FMN1: variants seen among roughly 807,000 people sequenced by gnomAD.
The protein encoded by FMN1 is formin-1.
FMN1 carries 110 observed loss-of-function variants against 132.4 expected under a neutral mutation model. The ratio of observed to expected loss-of-function variants is 0.83; its 90% CI spans 0.71 to 0.97. The LOEUF is 0.97. Among genes scored for constraint, FMN1 ranks in the 50% least tolerant of loss-of-function variants. The pLI is 0.00. For synonymous variants in FMN1, 722 were observed against 651.7 expected (o/e 1.11, Z -1.64); for missense variants, 1,792 against 1,705.3 (o/e 1.05, Z -0.90).
At chr15:33,049,026 T>C (rs967792683) in intron 6 of FMN1, among the ~76,000 whole-genome samples, 1 of 152,232 alleles carries the variant, frequency 6.6e-6, no homozygotes, top group Non-Finnish European at 1.5e-5. Flanking sequence ...TAAAGGATTG[T>C]TTTAAATTAG....
At chr15:33,169,786 C>T (rs1203320197) in intron 3 of FMN1, among the ~76,000 whole-genome samples, 1 of 122,594 alleles carries the variant, frequency 8.2e-6, no homozygotes, top group Non-Finnish European at 1.6e-5. Flanking sequence ...CAAAAAGTTG[C>T]AGTCAGCATA....
chr15:33,038,521 G>T (rs746263465), intron 6 of FMN1, among the ~76,000 whole-genome samples: 1 of 152,148 alleles, frequency 6.6e-6, no homozygotes, highest in African/African-American at 2.4e-5. Flanking sequence ...TAAATAAGTT[G>T]TTAAAATGTC....
intron 6 of FMN1, among the ~76,000 whole-genome samples, chr15:33,041,086 T>G (rs1233378705): frequency 6.6e-6 from 1 of 151,828 alleles, no homozygotes; most frequent in Non-Finnish European, 1.5e-5. Context: ...AAAACTCATG[T>G]CAAGAATGCA....
chr15:32,973,576 A>ACCCCCCCCC (rs137961612), intron 7 of FMN1, among the ~76,000 whole-genome samples: 1 of 147,336 alleles, frequency 6.8e-6, no homozygotes, highest in African/African-American at 2.6e-5. Context: ...TCTGCCCCTC[A>ACCCCCCCCC]CCCCCCCCAA....
intron 6 of FMN1, chr15:33,012,548 A>C (rs1486515234): frequency 6.5e-7 from 1 of 1,527,556 alleles, no homozygotes; most frequent in Non-Finnish European, 8.9e-7. Flanking sequence ...AGTGGCAAGA[A>C]AAGGGGCTTT....
intron 6 of FMN1, chr15:33,012,816 TGGA>T: frequency 1.5e-6 from 1 of 652,196 alleles, no homozygotes; most frequent in Non-Finnish European, 2.8e-6. Context: ...GCTGTGGTGG[TGGA>T]GGATATGGTA....
At chr15:32,983,843 T>A (rs2032872752) in intron 7 of FMN1, among the ~76,000 whole-genome samples, 1 of 152,238 alleles carries the variant, frequency 6.6e-6, no homozygotes, top group African/African-American at 2.4e-5. Flanking sequence ...TAGAGGTTTC[T>A]CTGTCGAGGT....
At chr15:33,079,122 C>T (rs1404785706) in intron 5 of FMN1, among the ~76,000 whole-genome samples, 2 of 152,156 alleles carry the variant, frequency 1.3e-5, no homozygotes, top group East Asian at 1.9e-4. Flanking sequence ...ATCTCTCTGG[C>T]TTTGGAAGTA....
At chr15:33,149,658 G>T in intron 4 of FMN1, 2 of 352,498 alleles carry the variant, frequency 5.7e-6, no homozygotes, top group Non-Finnish European at 7.9e-6. Context: ...TTTTATATGG[G>T]TAGAATATGG....
Position 32,770,271 on chromosome 15 carries a change from G to A in FMN1, c.*4039C>T, listed in dbSNP as rs1258729. On this transcript the variant is annotated 3_prime_UTR_variant, in exon 21 of 21. Transcript: ENST00000616417. The stretch of plus-strand genomic sequence containing the variant: ...ATTCCCATTCACACACTGACTTGGC[G>A]CAATTTGCTGTGCTGTTGTATGCAA... The A allele has an allele frequency of 0.71, 107,859 of 152,060 alleles. 39,663 individuals are homozygous for A. The highest frequency in any genetic ancestry group is 0.8 in the Non-Finnish European group (54,358 of 67,998). The allele number at this position is 152,060 out of a possible 1,614,324, so 9.4% of individuals were successfully genotyped here.
At chr15:32,932,556 G>C (rs2061148758) in intron 9 of FMN1, among the ~76,000 whole-genome samples, 1 of 152,192 alleles carries the variant, frequency 6.6e-6, no homozygotes, top group Non-Finnish European at 1.5e-5. Flanking sequence ...TTTTGGAAGA[G>C]TTTGAGAAGC....
At chr15:32,983,977 G>C (rs1365752042) in intron 7 of FMN1, among the ~76,000 whole-genome samples, 1 of 152,140 alleles carries the variant, frequency 6.6e-6, no homozygotes, top group South Asian at 2.1e-4. Context: ...ACATTTAAAA[G>C]CTCAAAGTGT....
chr15:33,049,589 A>C (rs1437069798), intron 6 of FMN1, among the ~76,000 whole-genome samples: 1 of 152,208 alleles, frequency 6.6e-6, no homozygotes, highest in Non-Finnish European at 1.5e-5. Context: ...GGAATTGTTA[A>C]ATCAAGTTTA....
At chr15:33,120,744 A>C (rs1479329303) in intron 4 of FMN1, among the ~76,000 whole-genome samples, 1 of 152,128 alleles carries the variant, frequency 6.6e-6, no homozygotes, top group Non-Finnish European at 1.5e-5. Flanking sequence ...GATATGGAAA[A>C]ATTTATTCTA....
At chr15:33,066,155 G>C (rs1485217039) in intron 5 of FMN1, among the ~76,000 whole-genome samples, 1 of 152,152 alleles carries the variant, frequency 6.6e-6, no homozygotes, top group Non-Finnish European at 1.5e-5. Flanking sequence ...ATAATTAAGG[G>C]GTGAGGAAAC....
chr15:33,127,811 C>A (rs554246711), intron 4 of FMN1, among the ~76,000 whole-genome samples: 3 of 152,346 alleles, frequency 2.0e-5, no homozygotes, highest in East Asian at 3.9e-4. Flanking sequence ...CATCCAAGAT[C>A]TCATTCCTCA....
At chr15:33,044,702 G>C (rs1327507819) in intron 6 of FMN1, among the ~76,000 whole-genome samples, 1 of 152,026 alleles carries the variant, frequency 6.6e-6, no homozygotes, top group Non-Finnish European at 1.5e-5. Context: ...GCTGAAAGGG[G>C]ATGATGAGAT....
intron 4 of FMN1, among the ~76,000 whole-genome samples, chr15:33,118,678 C>A (rs886799808): frequency 6.6e-6 from 1 of 152,004 alleles, no homozygotes; most frequent in Non-Finnish European, 1.5e-5. Flanking sequence ...ATACAAAAAG[C>A]ATGATTTAAA....
chr15:32,970,085 C>A (rs1316256393), intron 7 of FMN1, among the ~76,000 whole-genome samples: 1 of 152,106 alleles, frequency 6.6e-6, no homozygotes, highest in Non-Finnish European at 1.5e-5. Context: ...GAACAGAGAA[C>A]ATAAATAATG....
Sources: gnomAD v4.1 joint callset for allele counts (sites outside exome capture counted in the v4.1 genomes callset) on GRCh38, gnomAD v4.1.1 for gene constraint, MANE v1.5 for transcripts, NCBI Gene and HGNC (gene_info 2026-07-23, HGNC 2026-07-21) for gene names.